ATP11A: variants seen among roughly 807,000 people sequenced by gnomAD.
ATP11A encodes the protein phospholipid-transporting ATPase IH.
A neutral mutation model predicts 154.4 loss-of-function variants in ATP11A; 81 were observed. The ratio of observed to expected loss-of-function variants is 0.52; its 90% CI spans 0.44 to 0.63. The LOEUF (loss-of-function observed/expected upper bound fraction) is 0.63, where lower values mean the gene tolerates loss of function less well. Among genes scored for constraint, ATP11A ranks in the 30% least tolerant of loss-of-function variants. The pLI is 0.00. For synonymous variants in ATP11A, 623 were observed against 585.9 expected (o/e 1.06, Z -0.91); for missense variants, 1,316 against 1,474.3 (o/e 0.89, Z 1.76).
At position 112,782,806 on chromosome 13, in the gene ATP11A, C is replaced by T. The variant is rs554284896; in HGVS notation, c.40-2329C>T. Among the ~76,000 whole-genome samples, 4 of 152,296 alleles carry T rather than the reference C, an allele frequency of 2.6e-5. No individual in the cohort carries two copies. The South Asian group carries it at 8.3e-4, about 32-fold the overall frequency. On this transcript the variant is annotated intron_variant, in intron 1 of 29. Transcript: ENST00000375645. ...GGTTACTGCATGGCCAGCAGGCTCGCGGGGAGGCCACGACCCAAGGTCGCG... is the reference window on the plus strand; with the variant it reads ...GGTTACTGCATGGCCAGCAGGCTCGTGGGGAGGCCACGACCCAAGGTCGCG...
intron 20 of ATP11A, among the ~76,000 whole-genome samples, chr13:112,857,263 A>G (rs963855000): frequency 6.6e-6 from 1 of 152,238 alleles, no homozygotes; most frequent in East Asian, 1.9e-4. Flanking sequence ...TTATAAAGAA[A>G]TTGACTAAAA....
chr13:112,815,062 T>C lies in ATP11A; in HGVS notation c.442-1021T>C, dbSNP rs1393125170. On this transcript the variant is annotated intron_variant, in intron 5 of 29. Transcript: ENST00000375645. The stretch of plus-strand genomic sequence containing the variant: ...AGCAGGTGACGCCCTGATCCTGGCA[T>C]GCCTCCCGAGTGGCAGTGAGACTGG... 2.0e-5 allele frequency among the ~76,000 whole-genome samples: 3 copies of C among 152,220 alleles called. No individual in the cohort carries two copies. The South Asian group carries it at 6.2e-4, about 31-fold the overall frequency.
intron 20 of ATP11A, among the ~76,000 whole-genome samples, chr13:112,857,311 AT>A (rs1163211726): frequency 6.6e-6 from 1 of 152,238 alleles, no homozygotes; most frequent in Non-Finnish European, 1.5e-5. Flanking sequence ...GTCATATTTG[AT>A]TTTGCACGTT....
At chr13:112,765,307 T>C (rs1756073) in intron 1 of ATP11A, among the ~76,000 whole-genome samples, 146,310 of 152,226 alleles carry the variant, frequency 0.96, 70,383 homozygotes, top group Middle Eastern at 1. Context: ...GGCCCATCCT[T>C]GGGGAGGCCT....
At chr13:112,805,755 A>G (rs1002987323) in intron 3 of ATP11A, among the ~76,000 whole-genome samples, 5 of 151,350 alleles carry the variant, frequency 3.3e-5, no homozygotes, top group East Asian at 1.9e-4. Flanking sequence ...TAAAGGAAAG[A>G]AAAAAAAGAG....
At chr13:112,773,668 T>G (rs2077278530) in intron 1 of ATP11A, among the ~76,000 whole-genome samples, 1 of 152,208 alleles carries the variant, frequency 6.6e-6, no homozygotes, top group Non-Finnish European at 1.5e-5. Context: ...GGGTAACTGG[T>G]CCTTCCTCAA....
intron 17 of ATP11A, among the ~76,000 whole-genome samples, chr13:112,842,687 A>G (rs756871029): frequency 1.3e-5 from 2 of 152,250 alleles, no homozygotes; most frequent in Non-Finnish European, 2.9e-5. Flanking sequence ...AGTCAGAATT[A>G]GCACGTTTGT....
intron 11 of ATP11A, 31 bp downstream of exon 11, chr13:112,825,611 G>A (rs182727245): frequency 6.5e-5 from 102 of 1,577,814 alleles, no homozygotes; most frequent in Non-Finnish European, 8.3e-5. Context: ...TGTATGATCC[G>A]AGGTGACCTG....
chr13:112,805,957 C>A (rs9604456), intron 3 of ATP11A, among the ~76,000 whole-genome samples: 2 of 151,410 alleles, frequency 1.3e-5, no homozygotes, highest in African/African-American at 2.4e-5. Flanking sequence ...AAGGCGTGCC[C>A]CGACTTCAGA....
intron 25 of ATP11A, among the ~76,000 whole-genome samples, chr13:112,863,046 G>T (rs1481152479): frequency 5.4e-3 from 345 of 64,058 alleles, no homozygotes; most frequent in African/African-American, 0.019. Context: ...AGTTCAGTGC[G>T]GCCCATGCAG....
intron 16 of ATP11A, among the ~76,000 whole-genome samples, chr13:112,842,051 C>T (rs570172796): frequency 6.6e-6 from 1 of 152,206 alleles, no homozygotes; most frequent in South Asian, 2.1e-4. Context: ...TCGTTCCTGC[C>T]TCTCCTGTGG....
intron 1 of ATP11A, among the ~76,000 whole-genome samples, chr13:112,692,880 GAA>G (rs1189268637): frequency 1.3e-5 from 2 of 152,218 alleles, no homozygotes; most frequent in East Asian, 1.9e-4. Flanking sequence ...TTTTGCTACA[GAA>G]AAAAGAGTCT....
In ATP11A at chr13:112,825,520, G is replaced by A. The variant is rs2078910229; in HGVS notation, c.963G>A (p.Glu321=). Residue 321 remains glutamate, a synonymous_variant, in exon 11 of 30, where the codon GAG becomes GAA. Transcript: ENST00000375645. ...TGCTGAAATACATGTGGCAGAGTGA[G>A]CCCTTTCGGGATGAGCCGTGGTATA... is the stretch of plus-strand genomic sequence containing the variant. ...NTVLKYMWQS[E]PFRDEPWYNQ... is the part of the protein sequence containing the mutation. 1 of 1,614,022 alleles carries A rather than the reference G, an allele frequency of 6.2e-7. No homozygotes were observed. The highest frequency in any genetic ancestry group is 8.5e-7 in the Non-Finnish European group (1 of 1,179,896).
intron 1 of ATP11A, among the ~76,000 whole-genome samples, chr13:112,773,156 G>C (rs1336336128): frequency 6.6e-6 from 1 of 152,130 alleles, no homozygotes; most frequent in Non-Finnish European, 1.5e-5. Context: ...AGGGTGCCAT[G>C]AGGCTGTTTC....
intron 1 of ATP11A, among the ~76,000 whole-genome samples, chr13:112,751,446 G>C (rs1310257841): frequency 1.3e-5 from 2 of 152,066 alleles, no homozygotes; most frequent in Non-Finnish European, 2.9e-5. Flanking sequence ...GATTGTTTGA[G>C]GCCAGCAATT....
In ATP11A at chr13:112,819,284, C is replaced by T. The variant is rs2078729419; in HGVS notation, c.571-20C>T. The stretch of plus-strand genomic sequence containing the variant: ...GTTGACCGTTTTGGCGGTGAGCTCA[C>T]ATGTCTTGTGCATTTGTAGACGCAT... On this transcript the variant is annotated intron_variant, in intron 6 of 29. Coordinates refer to ENST00000375645, the MANE Select transcript of ATP11A (RefSeq NM_015205.3). 9 of 1,612,014 alleles carry T rather than the reference C, an allele frequency of 5.6e-6. No homozygotes were observed. The highest frequency in any genetic ancestry group is 1.3e-5 in the African/African-American group (1 of 74,952).
At chr13:112,797,921 C>T (rs1182482973) in intron 2 of ATP11A, among the ~76,000 whole-genome samples, 2 of 152,198 alleles carry the variant, frequency 1.3e-5, no homozygotes, top group Non-Finnish European at 2.9e-5. Context: ...ACATTGATTT[C>T]CCCACAGTTC....
At chr13:112,780,491 G>A (rs1457646812) in intron 1 of ATP11A, among the ~76,000 whole-genome samples, 1 of 152,236 alleles carries the variant, frequency 6.6e-6, no homozygotes, top group Non-Finnish European at 1.5e-5. Context: ...TGCTGTGGGT[G>A]TCGGCGCTTC....
intron 16 of ATP11A, among the ~76,000 whole-genome samples, chr13:112,839,674 A>G (rs1056330126): frequency 1.3e-5 from 2 of 152,104 alleles, no homozygotes; most frequent in African/African-American, 4.8e-5. Flanking sequence ...ATTGTAGATT[A>G]ACTTTTGCTC....
Sources: allele counts gnomAD v4.1 joint callset (sites outside exome capture counted in the v4.1 genomes callset), GRCh38; gene constraint gnomAD v4.1.1; transcripts MANE v1.5; gene names NCBI Gene and HGNC (gene_info 2026-07-23, HGNC 2026-07-21).